Variants in AKT3 observed in about 807,000 individuals in gnomAD.
AKT3 encodes the protein RAC-gamma serine/threonine-protein kinase.
A neutral mutation model predicts 65.3 loss-of-function variants in AKT3; 15 were observed. The ratio of observed to expected loss-of-function variants is 0.23; its 90% CI spans 0.15 to 0.35. The LOEUF (loss-of-function observed/expected upper bound fraction) is 0.35, where lower values mean the gene tolerates loss of function less well. Ranked by LOEUF, AKT3 falls within the 10% of genes least tolerant of loss-of-function variation. The pLI, the probability that AKT3 is intolerant of heterozygous loss-of-function variation, is 1.00. For synonymous variants in AKT3, 206 were observed against 183.8 expected (o/e 1.12, Z -0.98); for missense variants, 243 against 576.5 (o/e 0.42, Z 5.92).
At chr1:243,610,019 A>G (rs1170574018) in intron 8 of AKT3, among the ~76,000 whole-genome samples, 1 of 152,156 alleles carries the variant, frequency 6.6e-6, no homozygotes, top group Non-Finnish European at 1.5e-5. Context: ...AGTAGACTAT[A>G]AACTCTTTGA....
chr1:243,832,797 T>C (rs1420985714), intron 2 of AKT3, among the ~76,000 whole-genome samples: 3 of 152,150 alleles, frequency 2.0e-5, no homozygotes, highest in African/African-American at 4.8e-5. Flanking sequence ...CTGAATACTG[T>C]AGGCAATTGA....
chr1:243,809,268 T>C (rs1692964054), intron 2 of AKT3, among the ~76,000 whole-genome samples: 1 of 152,174 alleles, frequency 6.6e-6, no homozygotes, highest in African/African-American at 2.4e-5. Context: ...CCCATCAGTG[T>C]GCTGTATTCA....
chr1:243,660,547 G>A (rs899530103), intron 4 of AKT3, among the ~76,000 whole-genome samples: 10 of 152,164 alleles, frequency 6.6e-5, no homozygotes, highest in African/African-American at 2.4e-4. Flanking sequence ...ATTAGGTATT[G>A]ATGGGATGTA....
intron 2 of AKT3, among the ~76,000 whole-genome samples, chr1:243,744,671 G>A (rs1177718769): frequency 3.3e-5 from 5 of 150,298 alleles, no homozygotes; most frequent in African/African-American, 4.9e-5. Flanking sequence ...CCCGGGAGGC[G>A]GAGCTTGCAG....
chr1:243,653,483 C>A (rs1681531003), intron 4 of AKT3, among the ~76,000 whole-genome samples: 1 of 152,206 alleles, frequency 6.6e-6, no homozygotes, highest in African/African-American at 2.4e-5. Flanking sequence ...GGAATCCTCC[C>A]TAACTCATTT....
intron 3 of AKT3, 114 bp downstream of exon 3, chr1:243,695,477 T>C (rs1003900394): frequency 1.0e-6 from 1 of 987,238 alleles, no homozygotes; most frequent in Middle Eastern, 3.4e-4. Context: ...AATTTCTCTA[T>C]TAAATATAAA....
At chr1:243,616,991 T>C (rs1678375551) in intron 6 of AKT3, among the ~76,000 whole-genome samples, 1 of 152,148 alleles carries the variant, frequency 6.6e-6, no homozygotes, top group South Asian at 2.1e-4. Flanking sequence ...GAAGCAGAAA[T>C]GACACCAGAA....
At chr1:243,570,515 C>T (rs372535690) in intron 9 of AKT3, among the ~76,000 whole-genome samples, 10 of 152,136 alleles carry the variant, frequency 6.6e-5, no homozygotes, top group Non-Finnish European at 1.3e-4. Context: ...GTGACAAGAA[C>T]ATTCAATAAG....
intron 4 of AKT3, among the ~76,000 whole-genome samples, chr1:243,658,709 G>C (rs757680643): frequency 2.6e-5 from 4 of 151,988 alleles, no homozygotes; most frequent in African/African-American, 4.8e-5. Context: ...CCAAGAGGTG[G>C]AAACAATCTA....
At chr1:243,809,123 C>T (rs1285755219) in intron 2 of AKT3, among the ~76,000 whole-genome samples, 2 of 152,148 alleles carry the variant, frequency 1.3e-5, no homozygotes, top group Non-Finnish European at 2.9e-5. Flanking sequence ...ACTGTATCAA[C>T]TAACGAGCAA....
intron 2 of AKT3, among the ~76,000 whole-genome samples, chr1:243,724,681 A>AGG (rs1317124942): frequency 3.3e-5 from 5 of 152,188 alleles, no homozygotes; most frequent in African/African-American, 7.2e-5. Context: ...CCAAGGATTA[A>AGG]GGGGGTTCTA....
chr1:243,673,893 G>A (rs915564953), intron 3 of AKT3, among the ~76,000 whole-genome samples: 11 of 152,154 alleles, frequency 7.2e-5, no homozygotes, highest in African/African-American at 2.2e-4. Flanking sequence ...GATTACAGGC[G>A]TGAGCCACTG....
chr1:243,508,450 T>C (rs1172710155), intron 13 of AKT3, among the ~76,000 whole-genome samples: 2 of 152,172 alleles, frequency 1.3e-5, no homozygotes, highest in African/African-American at 4.8e-5. Context: ...GGGCATACTC[T>C]GCTGAGCTCT....
chr1:243,770,975 T>C (rs1209815822), intron 2 of AKT3, among the ~76,000 whole-genome samples: 1 of 151,972 alleles, frequency 6.6e-6, no homozygotes, highest in African/African-American at 2.4e-5. Flanking sequence ...TAAAAAGATA[T>C]ATGGGGGGAG....
chr1:243,827,981 A>G (rs888854811), intron 2 of AKT3, among the ~76,000 whole-genome samples: 3 of 152,162 alleles, frequency 2.0e-5, no homozygotes, highest in Non-Finnish European at 2.9e-5. Context: ...TGATATTGAT[A>G]GTTAGCAAGT....
chr1:243,774,993 G>A (rs1690451933), intron 2 of AKT3, among the ~76,000 whole-genome samples: 1 of 152,146 alleles, frequency 6.6e-6, no homozygotes, highest in Non-Finnish European at 1.5e-5. Flanking sequence ...CACCTGAGTA[G>A]CTAGGACTAC....
chr1:243,848,136 C>T (rs1695595641), intron 1 of AKT3, among the ~76,000 whole-genome samples: 1 of 152,132 alleles, frequency 6.6e-6, no homozygotes, highest in African/African-American at 2.4e-5. Context: ...TAATATTTGT[C>T]CTCCCTCACT....
chr1:243,505,590 G>GA (rs1280676745), intron 13 of AKT3, among the ~76,000 whole-genome samples: 2 of 152,056 alleles, frequency 1.3e-5, no homozygotes, highest in South Asian at 2.1e-4. Context: ...ATGAAACAGT[G>GA]AAAAAAATGG....
chr1:243,850,969 C>G (rs1315752685), upstream of AKT3: 2 of 152,156 alleles, frequency 1.3e-5, no homozygotes, highest in African/African-American at 4.8e-5. Context: ...GCCGCGGACG[C>G]GCGCGCCGCC....
Sources: gnomAD v4.1 joint callset for allele counts (sites outside exome capture counted in the v4.1 genomes callset) on GRCh38, gnomAD v4.1.1 for gene constraint, MANE v1.5 for transcripts, NCBI Gene and HGNC (gene_info 2026-07-23, HGNC 2026-07-21) for gene names.